Variants in CACNA1E observed in about 807,000 individuals in gnomAD.
The protein encoded by CACNA1E is calcium voltage-gated channel subunit alpha1 E.
In CACNA1E, 40 loss-of-function variants were observed where a neutral mutation model predicts 259.2. The ratio of observed to expected loss-of-function variants is 0.15; its 90% CI spans 0.12 to 0.20. The LOEUF (loss-of-function observed/expected upper bound fraction) is 0.20, where lower values mean the gene tolerates loss of function less well. Ranked by LOEUF, CACNA1E falls within the 10% of genes least tolerant of loss-of-function variation. The pLI is 1.00. For synonymous variants in CACNA1E, 1,104 were observed against 1,138.5 expected, an observed-to-expected ratio of 0.97 and a Z score of 0.61; for missense variants, 1,874 against 3,040.1, an observed-to-expected ratio of 0.62 and a Z score of 9.02.
intron 1 of CACNA1E, among the ~76,000 whole-genome samples, chr1:181,354,651 C>T (rs1200090468): frequency 3.3e-5 from 5 of 152,162 alleles, no homozygotes; most frequent in African/African-American, 1.2e-4. Context: ...CACTGAGCTG[C>T]AGGTCTTGCT....
intron 3 of CACNA1E, among the ~76,000 whole-genome samples, chr1:181,538,642 AAGG>A (rs1668351926): frequency 6.6e-6 from 1 of 152,166 alleles, no homozygotes. Context: ...AGTATGGAAG[AAGG>A]AGAAGGTGAC....
At chr1:181,409,698 C>A (rs1010473740) in intron 1 of CACNA1E, among the ~76,000 whole-genome samples, 2 of 152,056 alleles carry the variant, frequency 1.3e-5, no homozygotes, top group Admixed American at 6.5e-5. Context: ...CTAGCCAGAA[C>A]TGGGGACTGA....
intron 40 of CACNA1E, 64 bp from the exon 41 acceptor site, chr1:181,784,597 C>A: frequency 8.9e-7 from 1 of 1,121,572 alleles, no homozygotes; most frequent in Non-Finnish European, 1.3e-6. Context: ...CTACCTTCAC[C>A]TCCTCCCTCA....
chr1:181,718,034 C>T, intron 11 of CACNA1E, 21 bp from the exon 12 acceptor site: 2 of 1,242,320 alleles, frequency 1.6e-6, no homozygotes, highest in South Asian at 1.2e-5. Flanking sequence ...GGAACCAATG[C>T]TCTACTTTTA....
chr1:181,707,572 GC>G (rs1200716691), intron 7 of CACNA1E, among the ~76,000 whole-genome samples: 2 of 152,142 alleles, frequency 1.3e-5, no homozygotes, highest in East Asian at 3.8e-4. Flanking sequence ...CATTCTGGGG[GC>G]CTTATAAAGA....
intron 6 of CACNA1E, among the ~76,000 whole-genome samples, chr1:181,593,470 T>C (rs1275907015): frequency 6.6e-6 from 1 of 152,244 alleles, no homozygotes; most frequent in Non-Finnish European, 1.5e-5. Context: ...TAGTTCTTGC[T>C]AACTTGCATA....
intron 6 of CACNA1E, among the ~76,000 whole-genome samples, chr1:181,618,374 G>A (rs536468819): frequency 6.6e-6 from 1 of 152,292 alleles, no homozygotes; most frequent in South Asian, 2.1e-4. Flanking sequence ...AGACCAGCCT[G>A]GCCAACATGG....
intron 32 of CACNA1E, among the ~76,000 whole-genome samples, chr1:181,762,078 T>C (rs1392686029): frequency 6.6e-6 from 1 of 152,210 alleles, no homozygotes; most frequent in African/African-American, 2.4e-5. Flanking sequence ...TTGTTGATAG[T>C]TGAAAGTCAG....
Position 181,579,316 on chromosome 1 carries a change from A to G in CACNA1E, c.769+92A>G, listed in dbSNP as rs544033384. ...GCACTTGGAGGCTCATTGGAAAAGT[A>G]TGTCCTATTCTGACCCTGGAATTAG... On this transcript the variant is annotated intron_variant, in intron 5 of 47. Transcript: ENST00000367573. 2.3e-5 allele frequency: 25 copies of G among 1,071,550 alleles called. No individual in the cohort carries two copies. The South Asian group carries it at 3.9e-4, about 17-fold the overall frequency. The allele number at this position is 1,071,550 out of a possible 1,614,324, so 66.4% of individuals were successfully genotyped here.
intron 34 of CACNA1E, 57 bp downstream of exon 34, chr1:181,763,588 G>A (rs1658774482): frequency 2.2e-6 from 3 of 1,365,786 alleles, no homozygotes; most frequent in Admixed American, 2.3e-5. Flanking sequence ...GTACAGCCAG[G>A]CAACACTGGC....
At chr1:181,469,378 T>G (rs974588659) in intron 2 of CACNA1E, among the ~76,000 whole-genome samples, 1 of 151,870 alleles carries the variant, frequency 6.6e-6, no homozygotes, top group Non-Finnish European at 1.5e-5. Context: ...TGTGCCCGAG[T>G]TAGGGGGAGA....
chr1:181,388,569 T>C (rs1656024327), intron 1 of CACNA1E, among the ~76,000 whole-genome samples: 1 of 152,138 alleles, frequency 6.6e-6, no homozygotes, highest in Non-Finnish European at 1.5e-5. Context: ...TAAACATATA[T>C]AAGCATAGAA....
At chr1:181,795,103 A>G in intron 46 of CACNA1E, 59 bp downstream of exon 46, 1 of 1,405,412 alleles carries the variant, frequency 7.1e-7, no homozygotes, top group Middle Eastern at 1.8e-4. Context: ...GCCCTGATGC[A>G]CTTACTCTCC....
intron 1 of CACNA1E, among the ~76,000 whole-genome samples, chr1:181,491,056 C>T (rs1254618683): frequency 6.6e-6 from 1 of 152,230 alleles, no homozygotes; most frequent in Non-Finnish European, 1.5e-5. Context: ...GTGCCTCTTT[C>T]TCAATTTCCA....
intron 2 of CACNA1E, among the ~76,000 whole-genome samples, chr1:181,452,845 T>A (rs1661247863): frequency 6.6e-6 from 1 of 152,224 alleles, no homozygotes; most frequent in Non-Finnish European, 1.5e-5. Flanking sequence ...TGGTGGTTCT[T>A]CTCAGTACAA....
At chr1:181,458,844 TC>T in intron 2 of CACNA1E, among the ~76,000 whole-genome samples, 1 of 148,540 alleles carries the variant, frequency 6.7e-6, no homozygotes, top group Non-Finnish European at 1.5e-5. Flanking sequence ...CATCCATCCA[TC>T]CATCCATCCA....
intron 1 of CACNA1E, among the ~76,000 whole-genome samples, chr1:181,496,153 A>C (rs182662448): frequency 1.3e-5 from 2 of 152,312 alleles, no homozygotes; most frequent in African/African-American, 4.8e-5. Context: ...AAATATCTAC[A>C]TCAAAACCTG....
At chr1:181,378,891 C>A (rs1380897632) in intron 1 of CACNA1E, among the ~76,000 whole-genome samples, 1 of 152,124 alleles carries the variant, frequency 6.6e-6, no homozygotes, top group Non-Finnish European at 1.5e-5. Flanking sequence ...GATCTCAGAA[C>A]AAGGCTCACA....
At chr1:181,501,168 T>C (rs966727854) in intron 1 of CACNA1E, among the ~76,000 whole-genome samples, 1 of 152,210 alleles carries the variant, frequency 6.6e-6, no homozygotes, top group Non-Finnish European at 1.5e-5. Flanking sequence ...TCACCAAAAC[T>C]GTGTGTTGAA....
Sources: allele counts gnomAD v4.1 joint callset (sites outside exome capture counted in the v4.1 genomes callset), GRCh38; gene constraint gnomAD v4.1.1; transcripts MANE v1.5; gene names NCBI Gene and HGNC (gene_info 2026-07-23, HGNC 2026-07-21).